CLEC4A: variants seen among roughly 807,000 people sequenced by gnomAD.
The protein encoded by CLEC4A is C-type (calcium dependent, carbohydrate-recognition domain) lectin, superfamily member 6.
Under a neutral mutation model 32.7 loss-of-function variants are expected in CLEC4A, and 27 were observed. The observed-to-expected ratio is 0.83, with a 90% CI of 0.61 to 1.14. The LOEUF is 1.14. Ranked by LOEUF, CLEC4A falls within the 50% of genes most tolerant of loss-of-function variation. The pLI, the probability that CLEC4A is intolerant of heterozygous loss-of-function variation, is 0.00. For synonymous variants in CLEC4A, 89 were observed against 93.7 expected, an observed-to-expected ratio of 0.95 and a Z score of 0.29; for missense variants, 253 against 274.6, an observed-to-expected ratio of 0.92 and a Z score of 0.55.
At chr12:8,127,216 G>A (rs1326138084) in intron 2 of CLEC4A, among the ~76,000 whole-genome samples, 3 of 152,234 alleles carry the variant, frequency 2.0e-5, no homozygotes, top group Non-Finnish European at 4.4e-5. Flanking sequence ...AATGGCAGGA[G>A]AGATTTGGCC....
rs1194600420 is a variant in CLEC4A at position 8,134,276 on chromosome 12, C to T, written c.299-1309C>T. 3.1e-6 allele frequency: 5 copies of T among 1,612,458 alleles called. No individual in the cohort carries two copies. In the East Asian group the frequency reaches 1.1e-4, roughly 36 times the overall value. Reference sequence around the variant, plus strand: ...CCGCAGCTCACACATGTTCTTGAAGCTAAGCTGCAGAGCCTCAAAGCGGCA... The same window carrying T: ...CCGCAGCTCACACATGTTCTTGAAGTTAAGCTGCAGAGCCTCAAAGCGGCA... On this transcript the variant is annotated intron_variant, in intron 3 of 5. Transcript: ENST00000229332.
chr12:8,122,441 GA>G (rs1947840811), upstream of CLEC4A, among the ~76,000 whole-genome samples: 1 of 150,694 alleles, frequency 6.6e-6, no homozygotes, highest in East Asian at 2.0e-4. Flanking sequence ...TTGGCAGGGT[GA>G]GGGGGATGTT....
chr12:8,133,821 A>T (rs1591610668), intron 3 of CLEC4A: 2 of 1,585,820 alleles, frequency 1.3e-6, no homozygotes, highest in East Asian at 4.5e-5. Context: ...ACAGGGGGAA[A>T]GGCTTCCCCC....
At chr12:8,134,853 G>C (rs771558114) in intron 3 of CLEC4A, 99 of 1,537,270 alleles carry the variant, frequency 6.4e-5, no homozygotes, top group Non-Finnish European at 8.1e-5. Flanking sequence ...TCCCGCCATG[G>C]GGAAGGAAGG....
chr12:8,117,451 C>T, the CLEC4A span, among the ~76,000 whole-genome samples: 1 of 152,120 alleles, frequency 6.6e-6, no homozygotes, highest in Non-Finnish European at 1.5e-5. Context: ...GTTAGCCATG[C>T]TGGTCTCAAA....
At chr12:8,112,885 C>T in the CLEC4A span, among the ~76,000 whole-genome samples, 1 of 152,078 alleles carries the variant, frequency 6.6e-6, no homozygotes, top group South Asian at 2.1e-4. Flanking sequence ...TGGGATTTTC[C>T]CTTCCACTTT....
the CLEC4A span, among the ~76,000 whole-genome samples, chr12:8,107,068 G>C: frequency 2.4e-4 from 37 of 152,096 alleles, no homozygotes; most frequent in Non-Finnish European, 4.7e-4. Context: ...AGTGTGTTGA[G>C]GGTTTTTAAC....
upstream of CLEC4A, among the ~76,000 whole-genome samples, chr12:8,119,255 G>A (rs1046154788): frequency 1.3e-4 from 20 of 152,172 alleles, no homozygotes; most frequent in African/African-American, 3.4e-4. Context: ...ACAGAGCTTC[G>A]CTACTGTTGC....
In CLEC4A at chr12:8,125,632, A is replaced by G; in HGVS notation, c.154A>G (p.Ile52Val). ...CAAGCTGCTTTGTGCCTCACTGTTG[A>G]TATTTTTCCTGCTATTGGCAATCTC... ...FPKLLCASLL[I>V]FFLLLAISFF... Residue 52 changes from isoleucine to valine, a missense_variant, in exon 2 of 6, where the codon ATA becomes GTA. Physicochemically the swap from Ile to Val is conservative, Grantham distance 29. Transcript: ENST00000229332. The G allele has an allele frequency of 6.2e-7, 1 of 1,613,388 alleles. No homozygotes were observed. The highest frequency in any genetic ancestry group is 8.5e-7 in the Non-Finnish European group (1 of 1,179,390).
chr12:8,104,892 C>A, the CLEC4A span, among the ~76,000 whole-genome samples: 1 of 152,070 alleles, frequency 6.6e-6, no homozygotes, highest in African/African-American at 2.4e-5. Context: ...ATGTTGCTGC[C>A]AAGGACATGT....
Position 8,135,182 on chromosome 12 carries a change from G to A in CLEC4A, c.299-403G>A, listed in dbSNP as rs895766466. On this transcript the variant is annotated intron_variant, in intron 3 of 5. Coordinates refer to ENST00000229332, the MANE Select transcript of CLEC4A (RefSeq NM_016184.4). ...ATTACAGATGTGAGCCACCGTGCCC[G>A]GCCCCATTTTTGTTGTCTTGATTGT... 6.9e-5 allele frequency among the ~76,000 whole-genome samples: 10 copies of A among 145,154 alleles called. No homozygotes were observed. In the South Asian group the frequency reaches 1.8e-3, roughly 26 times the overall value.
intron 3 of CLEC4A, 91 bp downstream of exon 3, chr12:8,129,453 T>C (rs985420527): frequency 2.0e-5 from 17 of 855,322 alleles, no homozygotes; most frequent in African/African-American, 3.4e-5. Context: ...AGGTAGATCA[T>C]ACTGAAAAGT....
chr12:8,133,714 G>A lies in CLEC4A; in HGVS notation c.299-1871G>A, dbSNP rs1190356832. 6.3e-6 allele frequency: 10 copies of A among 1,583,572 alleles called. No individual in the cohort carries two copies. In the African/African-American group the frequency reaches 1.1e-4, roughly 17 times the overall value. ...AAAAGCCCTGGCACAAACTCCAGGT[G>A]CTCTTTCCCTAGCTCCTCCCCTCCC... On this transcript the variant is annotated intron_variant, in intron 3 of 5. Transcript: ENST00000229332.
At chr12:8,129,067 T>C (rs930870064) in intron 2 of CLEC4A, among the ~76,000 whole-genome samples, 197 bp from the exon 3 acceptor site, 2 of 152,120 alleles carry the variant, frequency 1.3e-5, no homozygotes, top group African/African-American at 4.8e-5. Context: ...GATGGAACTG[T>C]TGTGTCCTCT....
At chr12:8,103,373 GTTGTTTTTTT>G in the CLEC4A span, among the ~76,000 whole-genome samples, 49 of 78,022 alleles carry the variant, frequency 6.3e-4, 10 homozygotes, top group East Asian at 2.0e-3. Context: ...GTTTCTTTCT[GTTGTTTTTTT>G]TTTTTTTTTT....
chr12:8,132,375 A>C (rs748616651), intron 3 of CLEC4A, among the ~76,000 whole-genome samples: 1 of 152,278 alleles, frequency 6.6e-6, no homozygotes, highest in Admixed American at 6.5e-5. Flanking sequence ...TATTTTTAAA[A>C]ATTTCCCTTT....
chr12:8,108,040 T>C, the CLEC4A span, among the ~76,000 whole-genome samples: 2 of 152,196 alleles, frequency 1.3e-5, no homozygotes, highest in East Asian at 3.8e-4. Flanking sequence ...TAAATTTCCC[T>C]CTTAACAACT....
At chr12:8,134,702 C>A (rs1331303692) in intron 3 of CLEC4A, 6 of 1,571,810 alleles carry the variant, frequency 3.8e-6, no homozygotes, top group Non-Finnish European at 5.2e-6. Flanking sequence ...CTGGCCCAAA[C>A]CCCGGCCCGA....
In CLEC4A at chr12:8,130,887, C is replaced by T. The variant is rs1947984505; in HGVS notation, c.298+1525C>T. On this transcript the variant is annotated intron_variant, in intron 3 of 5. Coordinates refer to ENST00000229332, the MANE Select transcript of CLEC4A (RefSeq NM_016184.4). ...ATTTTCAGGTTTCCTTAGTGTTCAC[C>T]TCATTTTCTTTTCTGTAATAGGATC... Among the ~76,000 whole-genome samples, 4 of 152,028 alleles carry T rather than the reference C, an allele frequency of 2.6e-5. No individual in the cohort carries two copies. In the South Asian group the frequency reaches 8.3e-4, roughly 32 times the overall value.
Sources: gnomAD v4.1 joint callset for allele counts (sites outside exome capture counted in the v4.1 genomes callset) on GRCh38, gnomAD v4.1.1 for gene constraint, MANE v1.5 for transcripts, NCBI Gene and HGNC (gene_info 2026-07-23, HGNC 2026-07-21) for gene names.